The following GRB2 variants were observed in gnomAD, a reference collection of about 807,000 sequenced individuals.
The protein encoded by GRB2 is growth factor receptor bound protein 2.
Under a neutral mutation model 27.4 loss-of-function variants are expected in GRB2, and 2 were observed. The observed-to-expected ratio is 0.07, with a 90% confidence interval of 0.03 to 0.23. GRB2 has a LOEUF of 0.23. Ranked by LOEUF, GRB2 falls within the 10% of genes least tolerant of loss-of-function variation. The pLI is 1.00. For missense variants in GRB2, 102 were observed against 282.4 expected (o/e 0.36, Z 4.58); for synonymous variants, 94 against 99.6 (o/e 0.94, Z 0.33).
intron 1 of GRB2, among the ~76,000 whole-genome samples, chr17:75,396,191 T>C (rs1246797817): frequency 1.3e-5 from 2 of 152,130 alleles, no homozygotes; most frequent in African/African-American, 2.4e-5. Flanking sequence ...AGCAACTGCT[T>C]AATGTTCTAT....
chr17:75,351,292 C>T (rs1391668820), intron 2 of GRB2, among the ~76,000 whole-genome samples: 1 of 152,136 alleles, frequency 6.6e-6, no homozygotes, highest in East Asian at 1.9e-4. Context: ...CACAGGACCA[C>T]ACAGGATGAG....
At chr17:75,360,788 T>G (rs1166676604) in intron 2 of GRB2, among the ~76,000 whole-genome samples, 1 of 152,160 alleles carries the variant, frequency 6.6e-6, no homozygotes, top group African/African-American at 2.4e-5. Context: ...ACTTTAAACT[T>G]TTTTCAATTT....
intron 3 of GRB2, among the ~76,000 whole-genome samples, chr17:75,327,125 T>C (rs930041110): frequency 7.4e-5 from 11 of 149,522 alleles, no homozygotes; most frequent in Non-Finnish European, 1.5e-4. Context: ...TGGAGTGCAG[T>C]GGCACGATCT....
chr17:75,342,064 T>TC (rs1322603697), intron 2 of GRB2, among the ~76,000 whole-genome samples: 1 of 152,186 alleles, frequency 6.6e-6, no homozygotes, highest in African/African-American at 2.4e-5. Flanking sequence ...TCTGTACTTT[T>TC]CCTTGTCTAC....
chr17:75,337,790 T>C (rs1966663), intron 2 of GRB2, among the ~76,000 whole-genome samples: 92,130 of 149,660 alleles, frequency 0.62, 32,601 homozygotes, highest in East Asian at 0.87. Flanking sequence ...AGGACGGTCT[T>C]GATCTGACCT....
rs2079012640 is a variant in GRB2 at position 75,393,707 on chromosome 17, G to C, written c.-79C>G. 1.8e-6 allele frequency: 2 copies of C among 1,106,072 alleles called. No individual in the cohort carries two copies. Among genetic ancestry groups the C allele is most frequent in the Non-Finnish European group, 2.7e-6 (2 of 727,378 alleles). The allele number at this position is 1,106,072 out of a possible 1,614,324, so 68.5% of individuals were successfully genotyped here. On this transcript the variant is annotated 5_prime_UTR_variant, in exon 2 of 6. Transcript: ENST00000316804. The stretch of plus-strand genomic sequence containing the variant: ...CTGCTGAAGCAACCCAGCGCTCTGG[G>C]CTTAGCCTCGCCTCTCTTCTGGGAC...
intron 2 of GRB2, among the ~76,000 whole-genome samples, chr17:75,374,775 G>T (rs1429915603): frequency 6.6e-6 from 1 of 151,742 alleles, no homozygotes; most frequent in South Asian, 2.1e-4. Context: ...CTGGCCAACA[G>T]AACAAGACTC....
intron 2 of GRB2, among the ~76,000 whole-genome samples, chr17:75,368,154 A>T (rs1321739975): frequency 6.6e-6 from 1 of 150,490 alleles, no homozygotes; most frequent in Non-Finnish European, 1.5e-5. Flanking sequence ...ACCTCAAGTG[A>T]TCCACTCGCC....
chr17:75,404,525 G>A (rs2079085581), intron 1 of GRB2, among the ~76,000 whole-genome samples: 1 of 117,834 alleles, frequency 8.5e-6, no homozygotes, highest in Non-Finnish European at 1.6e-5. Context: ...GGAGGAAGGG[G>A]AAGTACATTA....
chr17:75,319,811 G>C lies in GRB2; in HGVS notation c.*557C>G, dbSNP rs1220796543. 6.5e-6 allele frequency: 1 copy of C among 152,806 alleles called. No individual in the cohort carries two copies. The highest frequency in any genetic ancestry group is 1.5e-5 in the Non-Finnish European group (1 of 68,522). The allele number at this position is 152,806 out of a possible 1,614,324, so 9.5% of individuals were successfully genotyped here. ...TTCTACCCTACTCTACTGTGAACTTGGACAAAATACACTGGGGGTCTGGGC... is the reference window on the plus strand; with the variant it reads ...TTCTACCCTACTCTACTGTGAACTTCGACAAAATACACTGGGGGTCTGGGC... On this transcript the variant is annotated 3_prime_UTR_variant, in exon 6 of 6. Transcript: ENST00000316804.
chr17:75,336,873 G>T (rs750590036), intron 2 of GRB2, among the ~76,000 whole-genome samples: 3 of 152,118 alleles, frequency 2.0e-5, no homozygotes, highest in Non-Finnish European at 4.4e-5. Context: ...AAGTAGCTGG[G>T]ATTACAGGCA....
rs2078447734 is a variant in GRB2 at position 75,320,065 on chromosome 17, C to T, written c.*303G>A. The T allele has an allele frequency of 1.1e-5, 3 of 269,204 alleles. No individual in the cohort carries two copies. The highest frequency in any genetic ancestry group is 1.2e-4 in the South Asian group (2 of 17,188). The allele number at this position is 269,204 out of a possible 1,614,324, so 16.7% of individuals were successfully genotyped here. A position where few individuals can be genotyped will look rare whatever the true frequency, so the allele number is the denominator to read the frequency against. On this transcript the variant is annotated 3_prime_UTR_variant, in exon 6 of 6. Transcript: ENST00000316804. The surrounding 1 kb of genome is among the most constrained non-coding windows in gnomAD (Gnocchi z 4.3). ...AGCTAGGACTATACGTGGCCTTAAA[C>T]GTCATGCACTGATGGACAGAAGAGA...
chr17:75,354,270 G>C (rs200331532), intron 2 of GRB2, among the ~76,000 whole-genome samples: 1 of 121,024 alleles, frequency 8.3e-6, no homozygotes, highest in Admixed American at 9.2e-5. Flanking sequence ...TTTTTGGGGG[G>C]GGGGGGGAGA....
intron 2 of GRB2, among the ~76,000 whole-genome samples, chr17:75,377,432 G>A (rs560213083): frequency 6.6e-6 from 1 of 151,770 alleles, no homozygotes; most frequent in Non-Finnish European, 1.5e-5. Flanking sequence ...ATCAGCCTGG[G>A]CAACATGGCG....
intron 2 of GRB2, among the ~76,000 whole-genome samples, chr17:75,387,330 G>A (rs1343290539): frequency 6.6e-6 from 1 of 151,948 alleles, no homozygotes; most frequent in Non-Finnish European, 1.5e-5. Flanking sequence ...GGTAGCACGT[G>A]CCTGTAGTCC....
intron 4 of GRB2, among the ~76,000 whole-genome samples, chr17:75,324,509 T>C (rs11653912): frequency 0.67 from 57,667 of 86,364 alleles, 20,098 homozygotes; most frequent in East Asian, 0.86. Flanking sequence ...CGCACCCAGT[T>C]TTTTTTTTTT....
chr17:75,403,363 A>G (rs1451182619), intron 1 of GRB2, among the ~76,000 whole-genome samples: 1 of 152,046 alleles, frequency 6.6e-6, no homozygotes, highest in Non-Finnish European at 1.5e-5. Flanking sequence ...ATGCAACATG[A>G]TAACAGCAAT....
At chr17:75,326,940 C>A (rs2078502294) in intron 3 of GRB2, among the ~76,000 whole-genome samples, 1 of 152,072 alleles carries the variant, frequency 6.6e-6, no homozygotes. Context: ...TTTTTAAAAG[C>A]AAAAGTTATA....
intron 2 of GRB2, among the ~76,000 whole-genome samples, chr17:75,368,471 G>A (rs1052702033): frequency 2.0e-5 from 3 of 151,482 alleles, no homozygotes; most frequent in African/African-American, 7.3e-5. Flanking sequence ...TGATCCATCC[G>A]CCTCAGCCTC....
Sources: gnomAD v4.1 joint callset for allele counts (sites outside exome capture counted in the v4.1 genomes callset) on GRCh38, gnomAD v4.1.1 for gene constraint, Gnocchi (gnomAD v3.1) non-coding constraint, MANE v1.5 for transcripts, NCBI Gene and HGNC (gene_info 2026-07-23, HGNC 2026-07-21) for gene names.